SLC35E4: variants seen among roughly 807,000 people sequenced by gnomAD.
The protein encoded by SLC35E4 is solute carrier family 35 member E4.
SLC35E4 carries 15 observed loss-of-function variants against 19.3 expected under a neutral mutation model. The observed-to-expected ratio is 0.78, with a 90% CI of 0.52 to 1.20. The LOEUF (loss-of-function observed/expected upper bound fraction) is 1.20. Among genes scored for constraint, SLC35E4 ranks in the 50% most tolerant of loss-of-function variants. SLC35E4 has a pLI of 0.00. For synonymous variants in SLC35E4, 219 were observed against 219.9 expected (o/e 1.00, Z 0.04); for missense variants, 406 against 472.3 (o/e 0.86, Z 1.30).
chr22:30,647,181 T>C lies in SLC35E4; in HGVS notation c.*150T>C. On this transcript the variant is annotated 3_prime_UTR_variant, in exon 2 of 2. Transcript: ENST00000343605. The stretch of plus-strand genomic sequence containing the variant: ...CAGAGTCCGAGGTGGGTGGATCACC[T>C]GAGGCCAGGAGTTCGAGACCAGCCT... 2.1e-6 allele frequency: 2 copies of C among 971,854 alleles called. No individual in the cohort carries two copies. Among genetic ancestry groups the C allele is most frequent in the Non-Finnish European group, 1.5e-6 (1 of 679,748 alleles). 60.2% of individuals were successfully genotyped at this position (971,854 alleles called of 1,614,324 possible). A position where few individuals can be genotyped will look rare whatever the true frequency, so the allele number is the denominator to read the frequency against.
chr22:30,653,121 T>A (rs1474241275), intron 2 of SLC35E4, among the ~76,000 whole-genome samples: 1 of 152,196 alleles, frequency 6.6e-6, no homozygotes, highest in African/African-American at 2.4e-5. Flanking sequence ...ATGCACTTAG[T>A]AAATGCTTGC....
At chr22:30,663,987 C>A (rs145095975), downstream of SLC35E4, 4 of 1,613,022 alleles carry the variant, frequency 2.5e-6, no homozygotes, top group Non-Finnish European at 3.4e-6. Flanking sequence ...TGGGAAGGCA[C>A]ACGAGGGTGC....
intron 1 of SLC35E4, 146 bp from the exon 2 acceptor site, chr22:30,646,450 CTT>C (rs1005178366): frequency 5.8e-5 from 55 of 954,140 alleles, no homozygotes; most frequent in Non-Finnish European, 7.6e-5. Flanking sequence ...GACTCCAACT[CTT>C]GACTGTCATG....
At chr22:30,642,388 G>A (rs2088057254) in intron 1 of SLC35E4, among the ~76,000 whole-genome samples, 2 of 152,146 alleles carry the variant, frequency 1.3e-5, no homozygotes, top group Admixed American at 1.3e-4. Context: ...GTGAGTGTAC[G>A]TGGCTGATGC....
At position 30,636,509 on chromosome 22, in the gene SLC35E4, C is replaced by A. The variant is rs751840191; in HGVS notation, c.59C>A (p.Ala20Glu). 231 of 1,542,020 alleles carry A rather than the reference C, an allele frequency of 1.5e-4. No individual in the cohort carries two copies. The highest frequency in any genetic ancestry group is 1.9e-4 in the Non-Finnish European group (218 of 1,141,114). ...AGGATGACCTCAGCCGAAGTAGGAG[C>A]AGCAGCTGGTGGTGCTCAGGCGGCT... is the stretch of plus-strand genomic sequence containing the variant. ...DGRMTSAEVG[A>E]AAGGAQAAGP... is the part of the protein sequence containing the mutation. Residue 20 changes from alanine (A) to glutamate (E), a missense_variant, in exon 1 of 2, where the codon GCA becomes GAA. Coordinates refer to ENST00000343605, the MANE Select transcript of SLC35E4 (RefSeq NM_001001479.4).
At chr22:30,665,507 C>T, downstream of SLC35E4, 1 of 470,964 alleles carries the variant, frequency 2.1e-6, no homozygotes, top group South Asian at 1.5e-5. Flanking sequence ...TGATCTGGTC[C>T]ATTCAGCAGA....
intron 1 of SLC35E4, among the ~76,000 whole-genome samples, chr22:30,637,871 T>C (rs1279786025): frequency 1.3e-5 from 2 of 152,074 alleles, no homozygotes; most frequent in East Asian, 3.9e-4. Context: ...CCAGAAAGCA[T>C]GGGCCAGGGA....
downstream of SLC35E4, chr22:30,663,695 G>C (rs750679648): frequency 1.2e-6 from 2 of 1,614,254 alleles, no homozygotes; most frequent in East Asian, 2.2e-5. Flanking sequence ...CAGCAGCACA[G>C]TGCAGCAAAG....
intron 2 of SLC35E4, among the ~76,000 whole-genome samples, chr22:30,657,906 A>AAATAAT (rs56297954): frequency 7.7e-4 from 100 of 129,942 alleles, no homozygotes; most frequent in East Asian, 2.0e-3. Context: ...TCTGTCTCAA[A>AAATAAT]AATAATAATA....
intron 1 of SLC35E4, among the ~76,000 whole-genome samples, chr22:30,645,082 A>G (rs1449100017): frequency 1.3e-5 from 2 of 152,338 alleles, no homozygotes; most frequent in East Asian, 3.9e-4. Flanking sequence ...TAAGTGAATG[A>G]GGCAATGAAT....
downstream of SLC35E4, chr22:30,663,844 C>A (rs1156442374): frequency 6.2e-7 from 1 of 1,614,094 alleles, no homozygotes; most frequent in Admixed American, 1.7e-5. Flanking sequence ...ACTACCTCCA[C>A]TGAGACATTG....
chr22:30,647,089 T>C lies in SLC35E4; in HGVS notation c.*58T>C, dbSNP rs2088147263. On this transcript the variant is annotated 3_prime_UTR_variant, in exon 2 of 2. Coordinates refer to ENST00000343605, the MANE Select transcript of SLC35E4 (RefSeq NM_001001479.4). ...GCCCTGGCCTGAATCCAGCCTCCGC[T>C]GTGGCCATAGAAGGAATGGAGAACA... The C allele has an allele frequency of 2.0e-6, 3 of 1,516,610 alleles. No homozygotes were observed. Among genetic ancestry groups the C allele is most frequent in the South Asian group, 2.6e-5 (2 of 78,294 alleles). The allele number at this position is 1,516,610 out of a possible 1,614,324, so 93.9% of individuals were successfully genotyped here.
chr22:30,648,235 C>T (rs561588377), downstream of SLC35E4, among the ~76,000 whole-genome samples: 19 of 152,166 alleles, frequency 1.2e-4, no homozygotes, highest in Non-Finnish European at 2.4e-4. Context: ...TCACTCAGGA[C>T]GTGGCACCTG....
rs776935732 is a variant in SLC35E4 at position 30,646,990 on chromosome 22, C to T, written c.1012C>T (p.Arg338Trp). 30 of 1,612,518 alleles carry T rather than the reference C, an allele frequency of 1.9e-5. No individual in the cohort carries two copies. Among genetic ancestry groups the T allele is most frequent in the African/African-American group, 2.7e-5 (2 of 74,952 alleles). Residue 338 changes from arginine to tryptophan, a missense_variant, in exon 2 of 2, where the codon CGG becomes TGG. Coordinates refer to ENST00000343605, the MANE Select transcript of SLC35E4 (RefSeq NM_001001479.4). ...GTTCGTGGCCTCCTGGGCTGCCCGT[C>T]GGGGGCTGTGGCGGAGGGACCAGCC... Reference protein sequence around the residue: ...CEFVASWAARRGLWRRDQPSK... With the variant: ...CEFVASWAARWGLWRRDQPSK...
intron 2 of SLC35E4, among the ~76,000 whole-genome samples, chr22:30,657,669 C>T (rs1242209910): frequency 6.6e-6 from 1 of 151,492 alleles, no homozygotes; most frequent in South Asian, 2.1e-4. Flanking sequence ...CTTTGGGAGG[C>T]CGAGTCAGGT....
At chr22:30,657,193 G>A (rs1025006862) in intron 2 of SLC35E4, among the ~76,000 whole-genome samples, 5 of 152,002 alleles carry the variant, frequency 3.3e-5, no homozygotes, top group Admixed American at 3.3e-4. Context: ...CCAGCACTTT[G>A]GGAGGCCGAG....
At chr22:30,666,159 C>G (rs969355132), downstream of SLC35E4, among the ~76,000 whole-genome samples, 10 of 152,160 alleles carry the variant, frequency 6.6e-5, no homozygotes, top group Non-Finnish European at 1.2e-4. Flanking sequence ...TCCTCGTCAT[C>G]AGAAAATCCA....
downstream of SLC35E4, among the ~76,000 whole-genome samples, chr22:30,651,427 A>ATTTTTTTTT (rs1160256288): frequency 9.0e-5 from 2 of 22,166 alleles, no homozygotes; most frequent in Non-Finnish European, 1.5e-4. Flanking sequence ...ATATATATAT[A>ATTTTTTTTT]TTTTTTTTTT....
intron 1 of SLC35E4, among the ~76,000 whole-genome samples, chr22:30,638,970 AAAAG>A (rs1210072105): frequency 1.3e-5 from 2 of 151,780 alleles, no homozygotes; most frequent in Non-Finnish European, 2.9e-5. Flanking sequence ...TGTCTCAAGA[AAAAG>A]AAAGAAGTTC....
Sources: allele counts gnomAD v4.1 joint callset (sites outside exome capture counted in the v4.1 genomes callset), GRCh38; gene constraint gnomAD v4.1.1; transcripts MANE v1.5; gene names NCBI Gene and HGNC (gene_info 2026-07-23, HGNC 2026-07-21).